The following NAV2 variants were observed in gnomAD, a reference collection of about 807,000 sequenced individuals.
NAV2 encodes helicase, APC down-regulated 1.
In NAV2, 54 loss-of-function variants were observed where a neutral mutation model predicts 223.2. The observed-to-expected ratio is 0.24, with a 90% CI of 0.19 to 0.30. NAV2 has a LOEUF of 0.30. Ranked by LOEUF, NAV2 falls within the 10% of genes least tolerant of loss-of-function variation. The pLI is 1.00. For missense variants in NAV2, 2,806 were observed against 3,147.5 expected, an observed-to-expected ratio of 0.89 and a Z score of 2.60; for synonymous variants, 1,279 against 1,239.3, an observed-to-expected ratio of 1.03 and a Z score of -0.67.
intron 6 of NAV2, among the ~76,000 whole-genome samples, chr11:19,908,896 G>A (rs928705212): frequency 6.6e-6 from 1 of 152,150 alleles, no homozygotes; most frequent in Non-Finnish European, 1.5e-5. Flanking sequence ...AGTTGCTAGA[G>A]TTTCTTCTTG....
At chr11:19,493,301 G>A (rs566580364) in intron 1 of NAV2, among the ~76,000 whole-genome samples, 28 of 152,144 alleles carry the variant, frequency 1.8e-4, no homozygotes, top group South Asian at 2.1e-4. Context: ...GCACATTAGC[G>A]GAAATTTAAA....
In NAV2 at chr11:19,713,277, T is replaced by G. The variant is rs372802442; in HGVS notation, c.-419T>G. ...TAGCCTCCGGAACGGGACTCGTGGG[T>G]CGCCGCCGCCTCTGTCTCTTCCAAA... is the stretch of plus-strand genomic sequence containing the variant. On this transcript the variant is annotated 5_prime_UTR_variant, in exon 1 of 38. Transcript: ENST00000349880. This position sits in a 1 kb window ranked among gnomAD's most constrained non-coding sequence, Gnocchi z 7.2. The G allele has an allele frequency of 6.9e-5, 70 of 1,009,392 alleles. 1 individual carries two copies. In the East Asian group the frequency reaches 4.2e-3, roughly 61 times the overall value. The allele number at this position is 1,009,392 out of a possible 1,614,324, so 62.5% of individuals were successfully genotyped here.
intron 1 of NAV2, among the ~76,000 whole-genome samples, chr11:19,764,493 T>C (rs2055042528): frequency 6.6e-6 from 1 of 152,228 alleles, no homozygotes; most frequent in African/African-American, 2.4e-5. Context: ...GTATTGTTCA[T>C]GCTAACAGAT....
intron 1 of NAV2, among the ~76,000 whole-genome samples, chr11:19,631,709 T>G (rs908699628): frequency 1.3e-5 from 2 of 152,194 alleles, no homozygotes; most frequent in South Asian, 4.1e-4. Flanking sequence ...GTGTGGCACC[T>G]AGAAGGCACC....
chr11:19,659,585 T>C (rs2048220269), intron 1 of NAV2, among the ~76,000 whole-genome samples: 1 of 152,120 alleles, frequency 6.6e-6, no homozygotes, highest in African/African-American at 2.4e-5. Context: ...GCCTGAGCTA[T>C]ATAGGGACAC....
At chr11:19,572,900 G>A (rs1176937151) in intron 1 of NAV2, among the ~76,000 whole-genome samples, 1 of 152,150 alleles carries the variant, frequency 6.6e-6, no homozygotes, top group African/African-American at 2.4e-5. Context: ...ATATGAATAT[G>A]CTGAAGTTTG....
chr11:19,910,937 C>T (rs1459529890), intron 6 of NAV2, among the ~76,000 whole-genome samples: 2 of 151,646 alleles, frequency 1.3e-5, no homozygotes, highest in Non-Finnish European at 2.9e-5. Context: ...TTTATGAGGA[C>T]AATGATCACT....
intron 1 of NAV2, among the ~76,000 whole-genome samples, chr11:19,776,677 G>GTGTGT: frequency 1.1e-4 from 5 of 46,754 alleles, no homozygotes; most frequent in African/African-American, 1.1e-4. Flanking sequence ...TGTGTGTGTG[G>GTGTGT]TTAGAGTTGT....
intron 5 of NAV2, among the ~76,000 whole-genome samples, chr11:19,891,607 T>C (rs1359524027): frequency 2.6e-5 from 4 of 152,230 alleles, no homozygotes; most frequent in Non-Finnish European, 4.4e-5. Flanking sequence ...TAAGTTGTAC[T>C]TCAGCCTCAA....
At position 20,082,543 on chromosome 11, in the gene NAV2, G is replaced by T. The variant is rs373438541; in HGVS notation, c.5326-464G>T. On this transcript the variant is annotated intron_variant, in intron 25 of 37. Coordinates refer to ENST00000349880, the MANE Select transcript of NAV2 (RefSeq NM_145117.5). ...CACTGGCTTTCTCTGTTAAAAAATT[G>T]TCTTTTTTCCTCCCCCTTCCCCATT... The T allele has an allele frequency of 1.9e-6, 3 of 1,608,342 alleles. No individual in the cohort carries two copies. The African/African-American group carries it at 4.0e-5, about 21-fold the overall frequency.
intron 4 of NAV2, among the ~76,000 whole-genome samples, chr11:19,870,421 G>A (rs1369488065): frequency 6.6e-6 from 1 of 152,138 alleles, no homozygotes; most frequent in Non-Finnish European, 1.5e-5. Context: ...CCCCAGCAGA[G>A]CACCAGCAGG....
At chr11:20,101,527 A>G (rs1485447486) in intron 32 of NAV2, among the ~76,000 whole-genome samples, 1 of 152,236 alleles carries the variant, frequency 6.6e-6, no homozygotes, top group Non-Finnish European at 1.5e-5. Context: ...AATAATAAAA[A>G]TAATAGAAGC....
At chr11:19,913,735 GC>G (rs572126937) in intron 6 of NAV2, among the ~76,000 whole-genome samples, 134 of 141,408 alleles carry the variant, frequency 9.5e-4, no homozygotes, top group African/African-American at 3.5e-3. Flanking sequence ...CGCACTCTGG[GC>G]CTTAGATTCC....
intron 1 of NAV2, among the ~76,000 whole-genome samples, chr11:19,619,082 A>G (rs2046903655): frequency 6.7e-6 from 1 of 148,616 alleles, no homozygotes; most frequent in Non-Finnish European, 1.5e-5. Context: ...TACAAAGGAC[A>G]TGAACTCATC....
chr11:19,427,654 T>A (rs1850884178), intron 1 of NAV2, among the ~76,000 whole-genome samples: 1 of 152,208 alleles, frequency 6.6e-6, no homozygotes, highest in African/African-American at 2.4e-5. Flanking sequence ...GGAATTGCAA[T>A]CTCCCACAGC....
intron 6 of NAV2, among the ~76,000 whole-genome samples, chr11:19,899,120 C>A (rs1565520314): frequency 6.6e-6 from 1 of 152,144 alleles, no homozygotes; most frequent in African/African-American, 2.4e-5. Flanking sequence ...CTGATGGGAG[C>A]GCCATCCGTG....
intron 2 of NAV2, among the ~76,000 whole-genome samples, chr11:19,837,830 C>A (rs1278303478): frequency 6.6e-6 from 1 of 152,142 alleles, no homozygotes; most frequent in Non-Finnish European, 1.5e-5. Context: ...ATCACATGGT[C>A]TAAAGGACAT....
At chr11:19,813,259 C>T (rs1480049794) in intron 1 of NAV2, among the ~76,000 whole-genome samples, 1 of 151,906 alleles carries the variant, frequency 6.6e-6, no homozygotes. Flanking sequence ...ATTGTCAAAA[C>T]CCCACTGGAG....
chr11:19,430,438 G>A (rs1041654314), intron 1 of NAV2, among the ~76,000 whole-genome samples: 8 of 152,164 alleles, frequency 5.3e-5, no homozygotes, highest in African/African-American at 1.9e-4. Flanking sequence ...CAAACCCAGC[G>A]ACCCTCACTG....
Sources: gnomAD v4.1 joint callset for allele counts (sites outside exome capture counted in the v4.1 genomes callset) on GRCh38, gnomAD v4.1.1 for gene constraint, Gnocchi (gnomAD v3.1) non-coding constraint, MANE v1.5 for transcripts, NCBI Gene and HGNC (gene_info 2026-07-23, HGNC 2026-07-21) for gene names.